Variants in PARG observed in about 807,000 individuals in gnomAD.
PARG encodes mitochondrial poly(ADP-ribose) glycohydrolase.
PARG carries 35 observed loss-of-function variants against 113.0 expected under a neutral mutation model. The observed-to-expected ratio is 0.31, with a 90% CI of 0.24 to 0.41. PARG has a LOEUF of 0.41. Ranked by LOEUF, PARG falls within the 10% of genes least tolerant of loss-of-function variation. The pLI, the probability that PARG is intolerant of heterozygous loss-of-function variation, is 1.00. For missense variants in PARG, 797 were observed against 1,169.4 expected (o/e 0.68, Z 4.64); for synonymous variants, 330 against 409.9 (o/e 0.81, Z 2.36).
intron 15 of PARG, among the ~76,000 whole-genome samples, chr10:49,838,426 C>T (rs559841553): frequency 3.4e-5 from 4 of 118,712 alleles, no homozygotes; most frequent in South Asian, 2.8e-4. Context: ...AGTGAAACTC[C>T]GTCTCAAAAA....
intron 16 of PARG, among the ~76,000 whole-genome samples, chr10:49,823,807 G>C (rs1007591495): frequency 6.6e-6 from 1 of 151,954 alleles, no homozygotes; most frequent in Admixed American, 6.6e-5. Flanking sequence ...TTTGCCATTT[G>C]TGAAAATGAA....
chr10:49,820,350 T>C, intron 16 of PARG, 57 bp from the exon 17 acceptor site: 2 of 1,310,112 alleles, frequency 1.5e-6, no homozygotes, highest in Non-Finnish European at 2.1e-6. Context: ...TAGATACCTT[T>C]AGCTCTTTAC....
At chr10:49,931,113 G>T (rs1838455198) in intron 4 of PARG, among the ~76,000 whole-genome samples, 1 of 150,454 alleles carries the variant, frequency 6.6e-6, no homozygotes, top group African/African-American at 2.5e-5. Context: ...TTAGTATAGT[G>T]TTATGATATT....
chr10:49,896,542 C>T (rs1468972282), intron 7 of PARG, among the ~76,000 whole-genome samples: 5 of 152,138 alleles, frequency 3.3e-5, no homozygotes, highest in Admixed American at 2.0e-4. Context: ...GCCTTGGCCT[C>T]CCAGAGTGTT....
At chr10:49,891,297 G>A (rs1234718219) in intron 7 of PARG, among the ~76,000 whole-genome samples, 12 of 152,080 alleles carry the variant, frequency 7.9e-5, no homozygotes, top group Non-Finnish European at 1.6e-4. Context: ...CTGGGCGACA[G>A]AGTGAGACTT....
chr10:49,941,314 T>C (rs1839047434), intron 1 of PARG, among the ~76,000 whole-genome samples, 195 bp downstream of exon 1: 1 of 151,758 alleles, frequency 6.6e-6, no homozygotes, highest in South Asian at 2.1e-4. Context: ...CTCATCAGAG[T>C]TTCTCACATC....
chr10:49,893,901 T>C (rs1269306765), intron 7 of PARG, among the ~76,000 whole-genome samples: 3 of 151,942 alleles, frequency 2.0e-5, no homozygotes, highest in African/African-American at 7.3e-5. Context: ...GGTTTCACAG[T>C]GTTAGCCAGG....
intron 6 of PARG, among the ~76,000 whole-genome samples, chr10:49,918,816 C>A (rs1369015522): frequency 9.2e-5 from 14 of 152,078 alleles, no homozygotes; most frequent in African/African-American, 3.4e-4. Flanking sequence ...ATTGAATCTA[C>A]CATAAGGGAA....
At chr10:49,853,034 A>ATTTTTT (rs4012511) in intron 13 of PARG, among the ~76,000 whole-genome samples, 1 of 133,812 alleles carries the variant, frequency 7.5e-6, no homozygotes, top group Non-Finnish European at 1.6e-5. Flanking sequence ...TAAAAAAAAA[A>ATTTTTT]TTTTTTTTTT....
chr10:49,920,464 AT>A (rs372929711), intron 6 of PARG, among the ~76,000 whole-genome samples: 5,684 of 45,158 alleles, frequency 0.13, 476 homozygotes, highest in African/African-American at 0.25. Flanking sequence ...AAAAAAAAAA[AT>A]ATATATATAT....
intron 7 of PARG, among the ~76,000 whole-genome samples, chr10:49,892,865 T>C (rs1847878506): frequency 6.6e-6 from 1 of 152,204 alleles, no homozygotes; most frequent in African/African-American, 2.4e-5. Flanking sequence ...GTGGATCACT[T>C]GAGGTCAGGA....
intron 7 of PARG, among the ~76,000 whole-genome samples, chr10:49,890,192 G>T (rs1382030556): frequency 6.6e-6 from 1 of 152,152 alleles, no homozygotes; most frequent in Non-Finnish European, 1.5e-5. Context: ...TCTCCCACAA[G>T]TAAAACCCTG....
At chr10:49,939,379 A>G (rs1367497045) in intron 1 of PARG, among the ~76,000 whole-genome samples, 1 of 152,250 alleles carries the variant, frequency 6.6e-6, no homozygotes, top group Non-Finnish European at 1.5e-5. Context: ...GAAATAACAC[A>G]GACAATATAA....
intron 1 of PARG, among the ~76,000 whole-genome samples, chr10:49,940,774 C>G (rs1180067939): frequency 1.3e-5 from 2 of 152,138 alleles, no homozygotes; most frequent in Admixed American, 1.3e-4. Flanking sequence ...GTGATCCACC[C>G]GCCCCAGCCT....
intron 4 of PARG, among the ~76,000 whole-genome samples, chr10:49,927,369 G>GAAAGAAAGAAA (rs1838239269): frequency 1.5e-5 from 2 of 130,766 alleles, no homozygotes; most frequent in African/African-American, 6.1e-5. Context: ...AAGGAAAGAA[G>GAAAGAAAGAAA]GAAAGAAAGA....
At chr10:49,893,569 T>C (rs1324941782) in intron 7 of PARG, among the ~76,000 whole-genome samples, 1 of 152,206 alleles carries the variant, frequency 6.6e-6, no homozygotes, top group Non-Finnish European at 1.5e-5. Flanking sequence ...AAAGCTGGAG[T>C]GTCGTGATGC....
At chr10:49,928,152 TCCCAG>T (rs1293635450) in intron 4 of PARG, among the ~76,000 whole-genome samples, 1 of 151,232 alleles carries the variant, frequency 6.6e-6, no homozygotes, top group African/African-American at 2.4e-5. Flanking sequence ...GCACCTGTAG[TCCCAG>T]CTACTTGGGA....
At chr10:49,885,782 G>A in intron 7 of PARG, among the ~76,000 whole-genome samples, 1 of 152,132 alleles carries the variant, frequency 6.6e-6, no homozygotes, top group Non-Finnish European at 1.5e-5. Flanking sequence ...AATCTAATCT[G>A]TTGGGTAATA....
chr10:49,889,319 C>T (rs1564634227), intron 7 of PARG, among the ~76,000 whole-genome samples: 1 of 152,116 alleles, frequency 6.6e-6, no homozygotes, highest in Non-Finnish European at 1.5e-5. Flanking sequence ...AATCTTCAGC[C>T]AGAGCAGGCT....
Sources: allele counts gnomAD v4.1 joint callset (sites outside exome capture counted in the v4.1 genomes callset), GRCh38; gene constraint gnomAD v4.1.1; transcripts MANE v1.5; gene names NCBI Gene and HGNC (gene_info 2026-07-23, HGNC 2026-07-21).